The following ERCC8 variants were observed in gnomAD, a reference collection of about 807,000 sequenced individuals.
ERCC8 encodes ERCC excision repair 8, CSA ubiquitin ligase complex subunit, also known as DNA excision repair protein ERCC-8.
Under a neutral mutation model 54.9 loss-of-function variants are expected in ERCC8, and 52 were observed. The ratio of observed to expected loss-of-function variants is 0.95; its 90% CI spans 0.76 to 1.19. The LOEUF is 1.19. ERCC8 is among the 50% of genes most tolerant of loss of function. ERCC8 has a pLI of 0.00. For missense variants in ERCC8, 514 were observed against 466.1 expected (o/e 1.10, Z -0.95); for synonymous variants, 146 against 157.2 (o/e 0.93, Z 0.53).
chr5:60,874,440 T>C lies in ERCC8; in HGVS notation c.*175A>G, dbSNP rs981613091. 4.3e-5 allele frequency: 27 copies of C among 632,174 alleles called. No individual in the cohort carries two copies. The highest frequency in any genetic ancestry group is 7.2e-5 in the Non-Finnish European group (26 of 359,434). 39.2% of individuals were successfully genotyped at this position (632,174 alleles called of 1,614,324 possible). A position where few individuals can be genotyped will look rare whatever the true frequency, so the allele number is the denominator to read the frequency against. On this transcript the variant is annotated 3_prime_UTR_variant, in exon 12 of 12. Coordinates refer to ENST00000676185, the MANE Select transcript of ERCC8 (RefSeq NM_000082.4). ...GAACACATTTTGACTAAATAAACTA[T>C]ACAGAAGTCTGTTTTAGGATTTTAT...
At chr5:60,888,419 T>C (rs1748457325) in intron 10 of ERCC8, among the ~76,000 whole-genome samples, 1 of 152,172 alleles carries the variant, frequency 6.6e-6, no homozygotes, top group Non-Finnish European at 1.5e-5. Flanking sequence ...TCAGTGCCCT[T>C]GAGTAATTTT....
chr5:60,903,024 G>A (rs896131184), intron 6 of ERCC8, among the ~76,000 whole-genome samples: 1 of 151,794 alleles, frequency 6.6e-6, no homozygotes, highest in Admixed American at 6.6e-5. Context: ...ATTCACATCA[G>A]ACATTTCCAC....
rs1037756164 is a variant in ERCC8, at chr5:60,867,090, C to T, written c.*7525G>A. Among the ~76,000 whole-genome samples the T allele has an allele frequency of 6.6e-6, 1 of 152,112 alleles. No homozygotes were observed. The highest frequency in any genetic ancestry group is 2.4e-5 in the African/African-American group (1 of 41,390). On this transcript the variant is annotated 3_prime_UTR_variant, in exon 12 of 12. Transcript: ENST00000676185. ...TGACCTCGTGATCCATCCACCTCAG[C>T]CTCCCAAAGTGCTGGGATTATAGGC...
At chr5:60,921,217 C>A (rs1414983056) in intron 3 of ERCC8, among the ~76,000 whole-genome samples, 3 of 151,858 alleles carry the variant, frequency 2.0e-5, no homozygotes, top group Non-Finnish European at 4.4e-5. Context: ...ATGCGAAACA[C>A]CAGAGCCAAC....
rs1748027740 is a variant in ERCC8 at position 60,876,885 on chromosome 5, T to C, written c.1123-2202A>G. Reference sequence around the variant, plus strand: ...GCTGTGCAGAAGCTCTTTAGTTTAATTAGATCCCATTTGTCAATTTTGGCT... The same window carrying C: ...GCTGTGCAGAAGCTCTTTAGTTTAACTAGATCCCATTTGTCAATTTTGGCT... On this transcript the variant is annotated intron_variant, in intron 11 of 11. Coordinates refer to ENST00000676185, the MANE Select transcript of ERCC8 (RefSeq NM_000082.4). Among the ~76,000 whole-genome samples the C allele has an allele frequency of 5.3e-5, 8 of 152,324 alleles. No individual in the cohort carries two copies. In the South Asian group the frequency reaches 1.4e-3, roughly 28 times the overall value.
intron 1 of ERCC8, among the ~76,000 whole-genome samples, chr5:60,933,216 CTTTTTTTTTTTTTT>C (rs143139297): frequency 4.5e-5 from 4 of 89,484 alleles, no homozygotes; most frequent in African/African-American, 1.7e-4. Flanking sequence ...CCTTTTTTTT[CTTTTTTTTTTTTTT>C]TTTTTTGAGA....
At chr5:60,912,762 T>C (rs1749308681) in intron 4 of ERCC8, among the ~76,000 whole-genome samples, 2 of 152,280 alleles carry the variant, frequency 1.3e-5, no homozygotes, top group Non-Finnish European at 2.9e-5. Flanking sequence ...TTGAGATACA[T>C]TCTATCAATA....
At chr5:60,941,269 T>G (rs1344487860) in intron 1 of ERCC8, among the ~76,000 whole-genome samples, 1 of 152,172 alleles carries the variant, frequency 6.6e-6, no homozygotes, top group Non-Finnish European at 1.5e-5. Flanking sequence ...AATTTTAGTT[T>G]TCAATATAAA....
intron 1 of ERCC8, among the ~76,000 whole-genome samples, chr5:60,942,229 CT>C (rs1750280521): frequency 6.6e-6 from 1 of 151,728 alleles, no homozygotes; most frequent in Non-Finnish European, 1.5e-5. Context: ...AGTGGTGGGA[CT>C]GGAAAATGCT....
chr5:60,923,832 A>T (rs1011585458), intron 2 of ERCC8, among the ~76,000 whole-genome samples: 1 of 152,094 alleles, frequency 6.6e-6, no homozygotes, highest in Non-Finnish European at 1.5e-5. Context: ...ACCATCAAAA[A>T]TTCTTCACAG....
intron 11 of ERCC8, among the ~76,000 whole-genome samples, chr5:60,886,747 G>A (rs1054735470): frequency 1.2e-4 from 15 of 123,570 alleles, no homozygotes; most frequent in African/African-American, 4.9e-4. Flanking sequence ...AATAAAAATA[G>A]AAAAAGAAAA....
chr5:60,912,834 C>T (rs1749311579), intron 4 of ERCC8, among the ~76,000 whole-genome samples: 1 of 152,074 alleles, frequency 6.6e-6, no homozygotes, highest in Non-Finnish European at 1.5e-5. Flanking sequence ...GCCTTTTCTG[C>T]ATCTATTGAG....
In ERCC8 at chr5:60,902,462, G is replaced by T; in HGVS notation, c.597C>A (p.Asp199Glu). ...ILAVSWSPRY[D>E]YILATASADS... ...TTTACCTTGCTGTTGCCAAGATATA[G>T]TCATAACGTGGAGACCAGGAAACTG... Residue 199 changes from aspartate to glutamate, a missense_variant, in exon 7 of 12, where the codon GAC becomes GAA. Coordinates refer to ENST00000676185, the MANE Select transcript of ERCC8 (RefSeq NM_000082.4). 6.2e-7 allele frequency: 1 copy of T among 1,612,044 alleles called. No homozygotes were observed. The highest frequency in any genetic ancestry group is 8.5e-7 in the Non-Finnish European group (1 of 1,178,458).
At chr5:60,915,698 A>G (rs1749413266) in intron 4 of ERCC8, among the ~76,000 whole-genome samples, 1 of 151,728 alleles carries the variant, frequency 6.6e-6, no homozygotes, top group South Asian at 2.1e-4. Context: ...AAAGCTAGCA[A>G]TTTTACATTT....
chr5:60,897,931 T>A (rs1277637612), intron 9 of ERCC8, among the ~76,000 whole-genome samples: 2 of 152,208 alleles, frequency 1.3e-5, no homozygotes, highest in Non-Finnish European at 2.9e-5. Flanking sequence ...GATTTTCAGA[T>A]TAGGGATACT....
At position 60,882,485 on chromosome 5, in the gene ERCC8, C is replaced by G. The variant is rs567392961; in HGVS notation, c.1122+4955G>C. Among the ~76,000 whole-genome samples, 12 of 152,254 alleles carry G rather than the reference C, an allele frequency of 7.9e-5. No individual in the cohort carries two copies. In the South Asian group the frequency reaches 1.9e-3, roughly 24 times the overall value. On this transcript the variant is annotated intron_variant, in intron 11 of 11. Transcript: ENST00000676185. ...TCTTGGCTCTCTGCAACCTCTGCCC[C>G]CCAGGTTCAAGTGAGTCTTCTGCCT...
At chr5:60,874,813 T>A in intron 11 of ERCC8, 130 bp from the exon 12 acceptor site, 1 of 760,838 alleles carries the variant, frequency 1.3e-6, no homozygotes. Context: ...AATGTATAAC[T>A]GTTAATTTCA....
In ERCC8 at chr5:60,891,058, C is replaced by T. The variant is rs933739444; in HGVS notation, c.872G>A (p.Ser291Asn). 27 of 1,612,078 alleles carry T rather than the reference C, an allele frequency of 1.7e-5. No individual in the cohort carries two copies. The highest frequency in any genetic ancestry group is 2.1e-5 in the Non-Finnish European group (25 of 1,179,494). Residue 291 changes from serine to asparagine, a missense_variant, in exon 10 of 12, where the codon AGT (serine) becomes AAT (asparagine). By Grantham distance (46) the Ser-to-Asn change is conservative. Transcript: ENST00000676185. ...GACAGTGAATTTCAATCCTTTTTTA[C>T]TGTTATTACAAACTTTTCCATAGTT... Reference protein sequence around the residue: ...LVNYGKVCNNSKKGLKFTVSC... With the variant: ...LVNYGKVCNNNKKGLKFTVSC...
In ERCC8 at chr5:60,871,411, A is replaced by G. The variant is rs1171926579; in HGVS notation, c.*3204T>C. 6.6e-6 allele frequency among the ~76,000 whole-genome samples: 1 copy of G among 152,212 alleles called. No homozygotes were observed. Among genetic ancestry groups the G allele is most frequent in the Non-Finnish European group, 1.5e-5 (1 of 68,028 alleles). Reference sequence around the variant, plus strand: ...AAAAATACATCCCCTATATGTCTGCATAGATATATATAGGATTGCAATATG... The same window carrying G: ...AAAAATACATCCCCTATATGTCTGCGTAGATATATATAGGATTGCAATATG... On this transcript the variant is annotated 3_prime_UTR_variant, in exon 12 of 12. Coordinates refer to ENST00000676185, the MANE Select transcript of ERCC8 (RefSeq NM_000082.4).
Sources: gnomAD v4.1 joint callset for allele counts (sites outside exome capture counted in the v4.1 genomes callset) on GRCh38, gnomAD v4.1.1 for gene constraint, MANE v1.5 for transcripts, NCBI Gene and HGNC (gene_info 2026-07-23, HGNC 2026-07-21) for gene names.